Variants in CDH12 observed in about 807,000 individuals in gnomAD.
CDH12 encodes cadherin 12.
In CDH12, 41 loss-of-function variants were observed where a neutral mutation model predicts 74.1. The observed-to-expected ratio is 0.55, with a 90% CI of 0.43 to 0.72. The LOEUF (loss-of-function observed/expected upper bound fraction) is 0.72. Among genes scored for constraint, CDH12 ranks in the 30% least tolerant of loss-of-function variants. The pLI, the probability that CDH12 is intolerant of heterozygous loss-of-function variation, is 0.00. For synonymous variants in CDH12, 399 were observed against 355.0 expected, an observed-to-expected ratio of 1.12 and a Z score of -1.39; for missense variants, 945 against 977.2, an observed-to-expected ratio of 0.97 and a Z score of 0.44.
intron 1 of CDH12, among the ~76,000 whole-genome samples, chr5:22,611,753 C>T (rs1737412241): frequency 6.6e-6 from 1 of 152,050 alleles, no homozygotes. Context: ...GTTGGCTGAA[C>T]CCAGAATCTA....
intron 2 of CDH12, among the ~76,000 whole-genome samples, chr5:22,433,096 T>TTA (rs1250490443): frequency 3.3e-5 from 5 of 152,156 alleles, no homozygotes. Flanking sequence ...TGTGAAACCA[T>TTA]GGGACCCAGA....
intron 1 of CDH12, among the ~76,000 whole-genome samples, chr5:22,709,211 A>C (rs1220946200): frequency 2.0e-5 from 3 of 152,202 alleles, no homozygotes; most frequent in Non-Finnish European, 1.5e-5. Flanking sequence ...TCTGGGAGAC[A>C]AAAAATATAG....
chr5:22,316,877 A>AT (rs1326551330), intron 3 of CDH12, among the ~76,000 whole-genome samples: 8 of 152,176 alleles, frequency 5.3e-5, no homozygotes, highest in African/African-American at 1.9e-4. Context: ...ATAATTTATT[A>AT]TTTTTCCCTC....
At chr5:22,173,708 C>T (rs1401636733) in intron 4 of CDH12, among the ~76,000 whole-genome samples, 2 of 151,800 alleles carry the variant, frequency 1.3e-5, no homozygotes, top group Non-Finnish European at 1.5e-5. Flanking sequence ...AAAATTGTTA[C>T]TCCTACCACA....
chr5:22,727,462 T>C (rs879889132), intron 1 of CDH12, among the ~76,000 whole-genome samples: 2 of 151,742 alleles, frequency 1.3e-5, no homozygotes, highest in Non-Finnish European at 3.0e-5. Context: ...ATACCTCTAG[T>C]AATCATATCC....
intron 6 of CDH12, among the ~76,000 whole-genome samples, chr5:21,924,837 A>G (rs891101543): frequency 6.6e-6 from 1 of 152,208 alleles, no homozygotes; most frequent in Non-Finnish European, 1.5e-5. Flanking sequence ...TGTAGAATTT[A>G]CTGAGGCTAT....
chr5:22,065,914 C>T (rs1005481863), intron 5 of CDH12, among the ~76,000 whole-genome samples: 1 of 152,054 alleles, frequency 6.6e-6, no homozygotes, highest in Non-Finnish European at 1.5e-5. Flanking sequence ...CATCCTGTTC[C>T]TAGGAATGAA....
chr5:22,206,451 T>G (rs974913293), intron 4 of CDH12, among the ~76,000 whole-genome samples: 7 of 152,060 alleles, frequency 4.6e-5, no homozygotes, highest in African/African-American at 1.7e-4. Flanking sequence ...TTTGTCAGAA[T>G]CAACTGTATA....
chr5:22,251,652 T>C (rs1203848725), intron 3 of CDH12, among the ~76,000 whole-genome samples: 1 of 152,150 alleles, frequency 6.6e-6, no homozygotes, highest in African/African-American at 2.4e-5. Context: ...TTGCACATGG[T>C]ACAACCATAT....
chr5:21,785,734 G>A lies in CDH12; in HGVS notation c.1257-2240C>T, dbSNP rs114621402. On this transcript the variant is annotated intron_variant, in intron 10 of 14. Transcript: ENST00000382254. ...AGAAAAGTGTGAGCTAGCAGAGTTGGTTCATGAGGTTTAAGGAAAGAAGTC... is the reference window on the plus strand; with the variant it reads ...AGAAAAGTGTGAGCTAGCAGAGTTGATTCATGAGGTTTAAGGAAAGAAGTC... Among the ~76,000 whole-genome samples, 767 of 152,292 alleles carry A rather than the reference G, an allele frequency of 5.0e-3. 10 individuals are homozygous for A. The highest frequency in any genetic ancestry group is 0.018 in the African/African-American group (737 of 41,560).
chr5:22,778,006 T>C, intron 1 of CDH12, among the ~76,000 whole-genome samples: 1 of 151,974 alleles, frequency 6.6e-6, no homozygotes, highest in African/African-American at 2.4e-5. Context: ...CGGTTTCACC[T>C]GTTGGCCAGG....
chr5:22,067,942 C>T (rs1214329815), intron 5 of CDH12, among the ~76,000 whole-genome samples: 2 of 151,974 alleles, frequency 1.3e-5, no homozygotes, highest in Non-Finnish European at 2.9e-5. Flanking sequence ...CGCACCACTG[C>T]ACTCCAGCCT....
chr5:22,279,546 G>A (rs1049436395), intron 3 of CDH12, among the ~76,000 whole-genome samples: 1 of 151,854 alleles, frequency 6.6e-6, no homozygotes, highest in African/African-American at 2.4e-5. Flanking sequence ...CGCACAACAG[G>A]TCCTGGTGTG....
At chr5:22,835,446 G>A (rs1736778811) in intron 1 of CDH12, among the ~76,000 whole-genome samples, 1 of 151,986 alleles carries the variant, frequency 6.6e-6, no homozygotes, top group Non-Finnish European at 1.5e-5. Flanking sequence ...ATTATTTTTT[G>A]AACAGTCTTC....
intron 1 of CDH12, among the ~76,000 whole-genome samples, chr5:22,576,159 AG>A (rs1448669532): frequency 4.6e-5 from 7 of 152,316 alleles, no homozygotes; most frequent in Admixed American, 3.9e-4. Flanking sequence ...CTATTATAAC[AG>A]GGGTTCTTGA....
chr5:22,262,772 C>T (rs1333547571), intron 3 of CDH12, among the ~76,000 whole-genome samples: 2 of 152,044 alleles, frequency 1.3e-5, no homozygotes, highest in African/African-American at 2.4e-5. Flanking sequence ...TCCTCTCCAG[C>T]ACCTGTTGTT....
intron 4 of CDH12, among the ~76,000 whole-genome samples, chr5:22,190,129 C>G (rs1750186085): frequency 6.6e-6 from 1 of 152,142 alleles, no homozygotes. Context: ...ACTGAGTCAT[C>G]ATGATCATGT....
intron 1 of CDH12, among the ~76,000 whole-genome samples, chr5:22,559,426 A>T (rs1050704061): frequency 3.3e-5 from 5 of 152,144 alleles, no homozygotes; most frequent in Non-Finnish European, 7.4e-5. Context: ...AGTTTTGACT[A>T]CATTGTATTT....
At chr5:22,313,969 T>A (rs1395328391) in intron 3 of CDH12, among the ~76,000 whole-genome samples, 3 of 151,484 alleles carry the variant, frequency 2.0e-5, no homozygotes, top group Admixed American at 2.0e-4. Flanking sequence ...GCTATTGAAA[T>A]AAAAAAAAGA....
Sources: allele counts gnomAD v4.1 joint callset (sites outside exome capture counted in the v4.1 genomes callset), GRCh38; gene constraint gnomAD v4.1.1; transcripts MANE v1.5; gene names NCBI Gene and HGNC (gene_info 2026-07-23, HGNC 2026-07-21).